Variants in ATP8A2 observed in about 807,000 individuals in gnomAD.
ATP8A2 encodes the protein phospholipid-transporting ATPase IB.
In ATP8A2, 100 loss-of-function variants were observed where a neutral mutation model predicts 165.6. The ratio of observed to expected loss-of-function variants is 0.60; its 90% CI spans 0.51 to 0.71. ATP8A2 has a LOEUF of 0.71. ATP8A2 is among the 30% of genes least tolerant of loss of function. ATP8A2 has a pLI of 0.00. For missense variants in ATP8A2, 1,227 were observed against 1,479.5 expected (o/e 0.83, Z 2.80); for synonymous variants, 543 against 548.8 (o/e 0.99, Z 0.15).
rs1411735347 is a variant in ATP8A2, at chr13:25,509,329, AAAG to A, written c.222-20666_222-20664del. ...CATATATTGATAAGTTGTGGAGCTGAAAGAAGCTTTACCAAAAGATCAATTAAA... is the reference window on the plus strand; with the variant it reads ...CATATATTGATAAGTTGTGGAGCTGAAAGCTTTACCAAAAGATCAATTAAA... On this transcript the variant is annotated intron_variant, in intron 2 of 36. Transcript: ENST00000381655. Among the ~76,000 whole-genome samples, 7 of 152,204 alleles carry A rather than the reference AAAG, an allele frequency of 4.6e-5. No homozygotes were observed. In the East Asian group the frequency reaches 1.2e-3, roughly 25 times the overall value.
intron 24 of ATP8A2, among the ~76,000 whole-genome samples, chr13:25,612,181 G>T (rs60777162): frequency 2.0e-5 from 3 of 151,948 alleles, no homozygotes; most frequent in Middle Eastern, 3.4e-3. Context: ...CTGGGTTTGG[G>T]TTTGGTTTGT....
intron 35 of ATP8A2, among the ~76,000 whole-genome samples, chr13:25,975,666 T>A (rs1034554032): frequency 6.6e-6 from 1 of 152,228 alleles, no homozygotes; most frequent in Non-Finnish European, 1.5e-5. Context: ...TAAGCTCTTA[T>A]GAAATCATTG....
At chr13:25,889,245 C>CATATATATATAT (rs200723564) in intron 33 of ATP8A2, among the ~76,000 whole-genome samples, 3,075 of 109,658 alleles carry the variant, frequency 0.028, 116 homozygotes, top group East Asian at 0.056. Context: ...CATCCTTTGT[C>CATATATATATAT]ATATATATAT....
At chr13:25,605,723 C>T (rs548248582) in intron 24 of ATP8A2, among the ~76,000 whole-genome samples, 9 of 152,196 alleles carry the variant, frequency 5.9e-5, no homozygotes, top group African/African-American at 1.7e-4. Flanking sequence ...AGCTGCAGCT[C>T]GGTTTTAGAG....
intron 2 of ATP8A2, among the ~76,000 whole-genome samples, chr13:25,494,642 A>G (rs1315993088): frequency 1.3e-5 from 2 of 152,240 alleles, no homozygotes; most frequent in Non-Finnish European, 2.9e-5. Flanking sequence ...TTGTTCTGAT[A>G]TTCACAGGGC....
At position 25,687,361 on chromosome 13, in the gene ATP8A2, G is replaced by A. The variant is rs186457155; in HGVS notation, c.2212-11812G>A. 2.1e-3 allele frequency among the ~76,000 whole-genome samples: 327 copies of A among 152,290 alleles called. 2 individuals carry two copies. Among genetic ancestry groups the A allele is most frequent in the African/African-American group, 7.7e-3 (319 of 41,572 alleles). Reference sequence around the variant, plus strand: ...CCACAAAGAGCAAGTGACAGCTGCCGGATGTTCATTTGAAATTTACAGACA... The same window carrying A: ...CCACAAAGAGCAAGTGACAGCTGCCAGATGTTCATTTGAAATTTACAGACA... On this transcript the variant is annotated intron_variant, in intron 24 of 36. Transcript: ENST00000381655.
chr13:25,837,503 C>CGA (rs1951647744), intron 29 of ATP8A2, among the ~76,000 whole-genome samples: 1 of 151,402 alleles, frequency 6.6e-6, no homozygotes, highest in East Asian at 2.0e-4. Context: ...GACGCCTTCT[C>CGA]AGGTGACGGG....
chr13:25,572,724 A>G (rs1302208984), intron 18 of ATP8A2, among the ~76,000 whole-genome samples: 2 of 152,080 alleles, frequency 1.3e-5, no homozygotes, highest in Non-Finnish European at 2.9e-5. Flanking sequence ...AGTCCCTGCC[A>G]TCCCTTGCCT....
At chr13:25,897,048 T>C (rs1486577384) in intron 33 of ATP8A2, among the ~76,000 whole-genome samples, 14 of 152,208 alleles carry the variant, frequency 9.2e-5, no homozygotes, top group Non-Finnish European at 1.6e-4. Flanking sequence ...AGGTTAGTAT[T>C]GTTATGTGTG....
chr13:25,823,116 T>C (rs1019922893), intron 27 of ATP8A2, among the ~76,000 whole-genome samples: 3 of 152,222 alleles, frequency 2.0e-5, no homozygotes, highest in African/African-American at 7.2e-5. Context: ...CTGGAGGAGA[T>C]GCAGTGTTGT....
At chr13:25,563,128 G>A (rs531505402) in intron 15 of ATP8A2, among the ~76,000 whole-genome samples, 1 of 152,336 alleles carries the variant, frequency 6.6e-6, no homozygotes, top group African/African-American at 2.4e-5. Context: ...TTCAAGAGGA[G>A]GCCAGGTGCG....
chr13:25,662,710 A>G (rs1392944056), intron 24 of ATP8A2, among the ~76,000 whole-genome samples: 1 of 152,110 alleles, frequency 6.6e-6, no homozygotes, highest in Admixed American at 6.6e-5. Context: ...CCTTGGCAAC[A>G]TTGTTTTTAG....
At chr13:25,525,178 A>C (rs1269256729) in intron 2 of ATP8A2, among the ~76,000 whole-genome samples, 1 of 151,902 alleles carries the variant, frequency 6.6e-6, no homozygotes, top group Non-Finnish European at 1.5e-5. Context: ...AACTAAAAAA[A>C]CCTCTGTGTT....
intron 35 of ATP8A2, among the ~76,000 whole-genome samples, chr13:25,986,593 A>T (rs1425605735): frequency 2.6e-5 from 4 of 152,084 alleles, no homozygotes; most frequent in African/African-American, 9.7e-5. Context: ...CATTTTCTTT[A>T]TTCATTCCTC....
At chr13:25,379,629 CATTGGTT>C (rs1198699903) in intron 1 of ATP8A2, among the ~76,000 whole-genome samples, 1 of 152,176 alleles carries the variant, frequency 6.6e-6, no homozygotes, top group Non-Finnish European at 1.5e-5. Context: ...GGAAACATAA[CATTGGTT>C]TTAAAACTGC....
At chr13:25,874,034 G>A (rs889841264) in intron 33 of ATP8A2, among the ~76,000 whole-genome samples, 1 of 152,220 alleles carries the variant, frequency 6.6e-6, no homozygotes, top group African/African-American at 2.4e-5. Flanking sequence ...GTAGTCTCAT[G>A]ACTAGTTCTT....
intron 24 of ATP8A2, among the ~76,000 whole-genome samples, chr13:25,660,204 C>G (rs1320774120): frequency 6.6e-6 from 1 of 152,076 alleles, no homozygotes; most frequent in East Asian, 1.9e-4. Context: ...ATTTGAATGC[C>G]TCCTCATGTG....
At chr13:25,762,385 C>T (rs890111643) in intron 25 of ATP8A2, among the ~76,000 whole-genome samples, 1 of 143,724 alleles carries the variant, frequency 7.0e-6, no homozygotes, top group Non-Finnish European at 1.5e-5. Context: ...AGTTTGCAAA[C>T]GATATCTGTC....
chr13:25,543,124 G>C (rs2038536446), intron 9 of ATP8A2, among the ~76,000 whole-genome samples, 167 bp from the exon 10 acceptor site: 1 of 152,050 alleles, frequency 6.6e-6, no homozygotes, highest in African/African-American at 2.4e-5. Flanking sequence ...GGGTCCTTTT[G>C]GGGTAGATTA....
Sources: allele counts gnomAD v4.1 joint callset (sites outside exome capture counted in the v4.1 genomes callset), GRCh38; gene constraint gnomAD v4.1.1; transcripts MANE v1.5; gene names NCBI Gene and HGNC (gene_info 2026-07-23, HGNC 2026-07-21).